The following NBAS variants were observed in gnomAD, a reference collection of about 807,000 sequenced individuals.
NBAS encodes the protein NAG/BC035112 fusion.
In NBAS, 219 loss-of-function variants were observed where a neutral mutation model predicts 302.5. The ratio of observed to expected loss-of-function variants is 0.72; its 90% confidence interval spans 0.65 to 0.81. The LOEUF is 0.81. Among genes scored for constraint, NBAS ranks in the 30% least tolerant of loss-of-function variants. NBAS has a pLI of 0.00. For missense variants in NBAS, 2,932 were observed against 2,841.6 expected (o/e 1.03, Z -0.72); for synonymous variants, 1,118 against 1,021.6 (o/e 1.09, Z -1.80).
chr2:15,210,098 G>A (rs1048603875), intron 48 of NBAS, among the ~76,000 whole-genome samples: 1 of 151,902 alleles, frequency 6.6e-6, no homozygotes, highest in Non-Finnish European at 1.5e-5. Flanking sequence ...CACAAGCACA[G>A]GCAACCAAAG....
chr2:15,426,357 T>C (rs1207139574), intron 22 of NBAS, among the ~76,000 whole-genome samples: 2 of 152,226 alleles, frequency 1.3e-5, no homozygotes, highest in Non-Finnish European at 2.9e-5. Flanking sequence ...TAGGCATTTC[T>C]GAGGATGCAT....
chr2:15,181,428 T>C (rs1664813647), intron 50 of NBAS, among the ~76,000 whole-genome samples: 1 of 152,202 alleles, frequency 6.6e-6, no homozygotes, highest in African/African-American at 2.4e-5. Context: ...ATACTTACTC[T>C]ATCTTTAAGT....
chr2:15,309,299 T>G, intron 38 of NBAS, 52 bp from the exon 39 acceptor site: 5 of 1,462,222 alleles, frequency 3.4e-6, no homozygotes, highest in Non-Finnish European at 4.7e-6. Flanking sequence ...ATGATATTCA[T>G]AGTTATTAAA....
At chr2:15,457,408 G>A (rs1345838426) in intron 21 of NBAS, among the ~76,000 whole-genome samples, 1 of 152,180 alleles carries the variant, frequency 6.6e-6, no homozygotes. Context: ...AAAGTTAACG[G>A]CCATCCAAGG....
At chr2:14,964,774 G>A in the NBAS span, among the ~76,000 whole-genome samples, 1 of 152,074 alleles carries the variant, frequency 6.6e-6, no homozygotes, top group African/African-American at 2.4e-5. Flanking sequence ...GGTCAGGATA[G>A]AATACATTTT....
At chr2:15,136,518 G>A in the NBAS span, among the ~76,000 whole-genome samples, 2 of 152,186 alleles carry the variant, frequency 1.3e-5, no homozygotes, top group Admixed American at 6.5e-5. Context: ...GCTGGATTTG[G>A]TCCAAGCCAT....
intron 35 of NBAS, among the ~76,000 whole-genome samples, chr2:15,347,046 G>A (rs929718996): frequency 6.6e-6 from 1 of 152,038 alleles, no homozygotes; most frequent in Non-Finnish European, 1.5e-5. Flanking sequence ...AGGTCAATAG[G>A]TGCAGCAAGC....
intron 21 of NBAS, among the ~76,000 whole-genome samples, chr2:15,439,278 G>A (rs1678207912): frequency 6.7e-6 from 1 of 149,276 alleles, no homozygotes; most frequent in Non-Finnish European, 1.5e-5. Flanking sequence ...CTCCGACCTG[G>A]GCCAAAGAGC....
At chr2:15,347,568 A>G (rs10490480) in intron 35 of NBAS, among the ~76,000 whole-genome samples, 5,775 of 152,312 alleles carry the variant, frequency 0.038, 298 homozygotes, top group African/African-American at 0.12. Context: ...GTCCAGTCGT[A>G]TAAATCTGTA....
Position 15,337,621 on chromosome 2 carries a change from G to A in NBAS, c.4180-6856C>T, listed in dbSNP as rs144868213. 7.9e-5 allele frequency among the ~76,000 whole-genome samples: 12 copies of A among 152,208 alleles called. No individual in the cohort carries two copies. The East Asian group carries it at 2.3e-3, about 29-fold the overall frequency. On this transcript the variant is annotated intron_variant, in intron 35 of 51. Transcript: ENST00000281513. The stretch of plus-strand genomic sequence containing the variant: ...TGAAACCTAAAAGTTTGTTTCAGAA[G>A]ATAAATGAAATTCACATGCTCAGAA...
the NBAS span, among the ~76,000 whole-genome samples, chr2:14,920,541 A>G: frequency 6.6e-6 from 1 of 152,176 alleles, no homozygotes; most frequent in Non-Finnish European, 1.5e-5. Flanking sequence ...AGATAGTATC[A>G]TTTCCTAATA....
At chr2:15,453,771 TTTTC>T (rs1373557092) in intron 21 of NBAS, among the ~76,000 whole-genome samples, 1 of 151,872 alleles carries the variant, frequency 6.6e-6, no homozygotes, top group Non-Finnish European at 1.5e-5. Context: ...TAGTAACAGC[TTTTC>T]TTTTCTTTTT....
At chr2:15,457,621 T>C (rs60404218) in intron 21 of NBAS, among the ~76,000 whole-genome samples, 11,197 of 152,294 alleles carry the variant, frequency 0.074, 498 homozygotes, top group East Asian at 0.13. Flanking sequence ...AGAGGAGCTA[T>C]GCTCTACTCA....
At chr2:14,880,934 CAAA>C in the NBAS span, among the ~76,000 whole-genome samples, 1 of 140,634 alleles carries the variant, frequency 7.1e-6, no homozygotes, top group Admixed American at 7.2e-5. Context: ...TCCAGGATAG[CAAA>C]AAAAAAAAAA....
the NBAS span, among the ~76,000 whole-genome samples, chr2:14,884,966 C>A: frequency 2.0e-5 from 3 of 152,228 alleles, no homozygotes; most frequent in African/African-American, 4.8e-5. Context: ...GGTAGACAGA[C>A]AATGTGAGAC....
At chr2:15,180,269 A>T (rs1031060117) in intron 50 of NBAS, 2 of 152,224 alleles carry the variant, frequency 1.3e-5, no homozygotes, top group Non-Finnish European at 2.9e-5. Context: ...TGCTCTTGAA[A>T]TCTGCAAGGC....
chr2:15,096,780 C>G, the NBAS span, among the ~76,000 whole-genome samples: 1 of 152,116 alleles, frequency 6.6e-6, no homozygotes, highest in African/African-American at 2.4e-5. Flanking sequence ...TGTTCTAGTT[C>G]CTGAAAGAGA....
At chr2:14,784,914 A>T in the NBAS span, among the ~76,000 whole-genome samples, 4 of 152,088 alleles carry the variant, frequency 2.6e-5, no homozygotes, top group African/African-American at 4.8e-5. Context: ...TTGGGCAGTA[A>T]GGCAATTTTC....
intron 35 of NBAS, among the ~76,000 whole-genome samples, chr2:15,332,636 TG>T (rs1169702316): frequency 9.4e-5 from 14 of 149,540 alleles, no homozygotes; most frequent in Non-Finnish European, 1.5e-5. Flanking sequence ...AATTTAATTA[TG>T]AAAAAAACAA....
Sources: allele counts gnomAD v4.1 joint callset (sites outside exome capture counted in the v4.1 genomes callset), GRCh38; gene constraint gnomAD v4.1.1; transcripts MANE v1.5; gene names NCBI Gene and HGNC (gene_info 2026-07-23, HGNC 2026-07-21).